Variants in DAPK1 observed in about 807,000 individuals in gnomAD.
DAPK1 encodes death associated protein kinase 1, also known as death-associated protein kinase 1.
In DAPK1, 56 loss-of-function variants were observed where a neutral mutation model predicts 144.9. The observed-to-expected ratio is 0.39, with a 90% CI of 0.31 to 0.48. The LOEUF is 0.48. Among genes scored for constraint, DAPK1 ranks in the 20% least tolerant of loss-of-function variants. DAPK1 has a pLI of 0.95. For synonymous variants in DAPK1, 690 were observed against 749.0 expected (o/e 0.92, Z 1.29); for missense variants, 1,454 against 1,875.4 (o/e 0.78, Z 4.15).
Position 87,554,362 on chromosome 9 carries a change from G to A in DAPK1, c.63-50592G>A, listed in dbSNP as rs532536725. ...AATTATTATTCTCATCTTCTGCAAT[G>A]CCTCGAGGCATGTTTTTAGCTGAAT... is the stretch of plus-strand genomic sequence containing the variant. On this transcript the variant is annotated intron_variant, in intron 2 of 25. Transcript: ENST00000408954. 242 of 152,168 alleles carry A rather than the reference G, an allele frequency of 1.6e-3. 1 individual carries two copies. Among genetic ancestry groups the A allele is most frequent in the African/African-American group, 5.3e-3 (222 of 41,502 alleles). The allele number at this position is 152,168 out of a possible 1,614,324, so 9.4% of individuals were successfully genotyped here.
chr9:87,545,425 A>G (rs1826208556), intron 2 of DAPK1, among the ~76,000 whole-genome samples: 1 of 152,224 alleles, frequency 6.6e-6, no homozygotes, highest in Non-Finnish European at 1.5e-5. Context: ...TAAGTAATTC[A>G]TTAGTTTCAA....
In DAPK1 at chr9:87,633,218, C is replaced by T. The variant is rs1829774779; in HGVS notation, c.285-4725C>T. 7 of 981,572 alleles carry T rather than the reference C, an allele frequency of 7.1e-6. No homozygotes were observed. In the South Asian group the frequency reaches 2.8e-4, roughly 40 times the overall value. The allele number at this position is 981,572 out of a possible 1,614,324, so 60.8% of individuals were successfully genotyped here. The stretch of plus-strand genomic sequence containing the variant: ...ATGTAGGGATGAAGGAGATTGAGTA[C>T]ATATGTAGGGATGAAGGAATATGAG... On this transcript the variant is annotated intron_variant, in intron 3 of 25. Transcript: ENST00000408954.
intron 2 of DAPK1, among the ~76,000 whole-genome samples, chr9:87,543,452 TAATA>T (rs1264802294): frequency 1.3e-5 from 2 of 152,220 alleles, no homozygotes; most frequent in Non-Finnish European, 1.5e-5. Context: ...AATACATTGT[TAATA>T]AATGTTCTCT....
intron 2 of DAPK1, among the ~76,000 whole-genome samples, chr9:87,593,737 C>T (rs1828219518): frequency 6.6e-6 from 1 of 152,214 alleles, no homozygotes; most frequent in African/African-American, 2.4e-5. Context: ...TATGAACCTC[C>T]TGCCTTCTTT....
intron 2 of DAPK1, among the ~76,000 whole-genome samples, chr9:87,558,528 G>A (rs1826797148): frequency 6.7e-6 from 1 of 149,446 alleles, no homozygotes; most frequent in Non-Finnish European, 1.5e-5. Context: ...ACACAGCCGT[G>A]TGAGTACAGA....
intron 20 of DAPK1, among the ~76,000 whole-genome samples, chr9:87,683,264 G>A (rs1412641520): frequency 2.6e-5 from 4 of 152,036 alleles, no homozygotes; most frequent in Non-Finnish European, 5.9e-5. Context: ...TGTATTTTTA[G>A]TAGAGACGAG....
intron 2 of DAPK1, among the ~76,000 whole-genome samples, chr9:87,559,097 C>T (rs1458180305): frequency 1.3e-5 from 2 of 152,202 alleles, no homozygotes; most frequent in African/African-American, 4.8e-5. Context: ...ATTCGTAGAG[C>T]CTGTACTCTG....
intron 2 of DAPK1, among the ~76,000 whole-genome samples, chr9:87,536,797 T>A (rs1825874836): frequency 6.6e-6 from 1 of 152,214 alleles, no homozygotes; most frequent in Non-Finnish European, 1.5e-5. Context: ...ATTTAAATTC[T>A]TTATTGTCTT....
chr9:87,636,307 C>T (rs2119117320), intron 3 of DAPK1, among the ~76,000 whole-genome samples: 1 of 152,296 alleles, frequency 6.6e-6, no homozygotes, highest in Non-Finnish European at 1.5e-5. Context: ...CTGTGGACTG[C>T]TCACAGGAGG....
At chr9:87,628,062 A>G (rs946781657) in intron 3 of DAPK1, among the ~76,000 whole-genome samples, 2 of 152,122 alleles carry the variant, frequency 1.3e-5, no homozygotes, top group Non-Finnish European at 2.9e-5. Context: ...CCCTTGAGCC[A>G]TGTTCTTCCC....
intron 2 of DAPK1, among the ~76,000 whole-genome samples, chr9:87,511,000 C>T (rs10868608): frequency 3.3e-4 from 50 of 152,096 alleles, no homozygotes; most frequent in African/African-American, 1.1e-3. Flanking sequence ...AGAGGGAGAG[C>T]GACAGTATAA....
chr9:87,668,547 C>G (rs761236272), intron 18 of DAPK1, 50 bp from the exon 19 acceptor site: 2 of 925,808 alleles, frequency 2.2e-6, no homozygotes, highest in Non-Finnish European at 3.6e-6. Flanking sequence ...ATGGAACACA[C>G]ACAGCTCTCC....
rs112211023 is a variant in DAPK1, at chr9:87,674,324, C to T, written c.2001+5650C>T. Among the ~76,000 whole-genome samples, 1,289 of 151,774 alleles carry T rather than the reference C, an allele frequency of 8.5e-3. 23 individuals are homozygous for T. Among genetic ancestry groups the T allele is most frequent in the African/African-American group, 0.029 (1,195 of 41,388 alleles). Reference sequence around the variant, plus strand: ...AACCAGCCTGGCCAACATGGTGAAACCCCGTCTCTACAAAAAAAATTAAAA... The same window carrying T: ...AACCAGCCTGGCCAACATGGTGAAATCCCGTCTCTACAAAAAAAATTAAAA... On this transcript the variant is annotated intron_variant, in intron 19 of 25. Transcript: ENST00000408954.
intron 2 of DAPK1, among the ~76,000 whole-genome samples, chr9:87,522,777 T>G (rs1825347053): frequency 6.6e-6 from 1 of 152,236 alleles, no homozygotes; most frequent in Non-Finnish European, 1.5e-5. Flanking sequence ...CTGGCTTCTT[T>G]CGCTGTCTCA....
At chr9:87,693,285 ATGT>A (rs531241641) in intron 21 of DAPK1, among the ~76,000 whole-genome samples, 2 of 150,514 alleles carry the variant, frequency 1.3e-5, no homozygotes, top group African/African-American at 4.9e-5. Context: ...TATTTTTTTA[ATGT>A]TGTCTGATTG....
At chr9:87,563,622 C>T (rs373648633) in intron 2 of DAPK1, among the ~76,000 whole-genome samples, 73 of 152,306 alleles carry the variant, frequency 4.8e-4, no homozygotes, top group African/African-American at 1.7e-3. Context: ...TCTGTCAAGC[C>T]TCCTGGAGGA....
At chr9:87,498,526 C>G (rs986270087) in intron 1 of DAPK1, 1 of 245,430 alleles carries the variant, frequency 4.1e-6, no homozygotes, top group African/African-American at 2.2e-5. Flanking sequence ...GGCGCGGGAG[C>G]CGAGAGGTGG....
At position 87,540,092 on chromosome 9, in the gene DAPK1, T is replaced by TGA. The variant is rs368888416; in HGVS notation, c.62+40968_62+40969dup. Among the ~76,000 whole-genome samples the TGA allele has an allele frequency of 9.9e-5, 15 of 151,384 alleles. No homozygotes were observed. The South Asian group carries it at 1.0e-3, about 11-fold the overall frequency. On this transcript the variant is annotated intron_variant, in intron 2 of 25. Coordinates refer to ENST00000408954, the MANE Select transcript of DAPK1 (RefSeq NM_004938.4). ...CGAAGATATGTGGTAGAAGATATTT[T>TGA]GAGAGAGAGAGAGAGACCACATTCA...
intron 25 of DAPK1, among the ~76,000 whole-genome samples, chr9:87,703,613 G>C (rs1825533993): frequency 6.6e-6 from 1 of 152,108 alleles, no homozygotes; most frequent in African/African-American, 2.4e-5. Flanking sequence ...AGATCTCCTG[G>C]GTGGGAAAAC....
Sources: allele counts gnomAD v4.1 joint callset (sites outside exome capture counted in the v4.1 genomes callset), GRCh38; gene constraint gnomAD v4.1.1; transcripts MANE v1.5; gene names NCBI Gene and HGNC (gene_info 2026-07-23, HGNC 2026-07-21).